Variants in PRKN observed in about 807,000 individuals in gnomAD.
PRKN encodes E3 ubiquitin-protein ligase parkin.
A neutral mutation model predicts 59.5 loss-of-function variants in PRKN; 56 were observed. The ratio of observed to expected loss-of-function variants is 0.94; its 90% CI spans 0.76 to 1.18. PRKN has a LOEUF of 1.18. Among genes scored for constraint, PRKN ranks in the 50% most tolerant of loss-of-function variants. PRKN has a pLI of 0.00. For synonymous variants in PRKN, 250 were observed against 222.1 expected, an observed-to-expected ratio of 1.13 and a Z score of -1.12; for missense variants, 657 against 596.4, an observed-to-expected ratio of 1.10 and a Z score of -1.06.
chr6:162,686,841 T>C (rs1777576913), intron 1 of PRKN, among the ~76,000 whole-genome samples: 1 of 152,200 alleles, frequency 6.6e-6, no homozygotes, highest in Non-Finnish European at 1.5e-5. Context: ...TATGGCTTTA[T>C]TTCTGGGTTC....
chr6:162,172,668 TAAC>T (rs1413594483), intron 4 of PRKN, among the ~76,000 whole-genome samples: 1 of 152,100 alleles, frequency 6.6e-6, no homozygotes, highest in African/African-American at 2.4e-5. Flanking sequence ...CTCCTCTAAT[TAAC>T]AATTTGAATT....
chr6:162,655,177 AGTT>A (rs1436268186), intron 1 of PRKN, among the ~76,000 whole-genome samples: 1 of 152,178 alleles, frequency 6.6e-6, no homozygotes, highest in African/African-American at 2.4e-5. Context: ...TCTACAATAT[AGTT>A]GTTATGCTTT....
At chr6:161,892,395 A>G (rs1583307274) in intron 6 of PRKN, among the ~76,000 whole-genome samples, 1 of 148,766 alleles carries the variant, frequency 6.7e-6, no homozygotes, top group African/African-American at 2.6e-5. Context: ...GCTAGACTCC[A>G]CCTCAACCAA....
rs941817688 is a variant in PRKN, at chr6:161,419,172, G to A, written c.1084-32295C>T. Among the ~76,000 whole-genome samples the A allele has an allele frequency of 2.3e-4, 35 of 152,152 alleles. No individual in the cohort carries two copies. The highest frequency in any genetic ancestry group is 8.0e-4 in the African/African-American group (33 of 41,438). On this transcript the variant is annotated intron_variant, in intron 9 of 11. Coordinates refer to ENST00000366898, the MANE Select transcript of PRKN (RefSeq NM_004562.3). The surrounding 1 kb of genome is among the most constrained non-coding windows in gnomAD (Gnocchi z 4.1). ...TGGTGAGAATCCTTTACGAGCTAAC[G>A]TGCTACACAGAGTTTGATGCTTCTT...
intron 4 of PRKN, among the ~76,000 whole-genome samples, chr6:162,103,600 C>A (rs1207359211): frequency 6.6e-6 from 1 of 151,288 alleles, no homozygotes; most frequent in Non-Finnish European, 1.5e-5. Context: ...TCTGGGAGAA[C>A]TCTTAGCTAC....
intron 9 of PRKN, among the ~76,000 whole-genome samples, chr6:161,394,588 T>A (rs1265182316): frequency 6.6e-6 from 1 of 152,188 alleles, no homozygotes; most frequent in Non-Finnish European, 1.5e-5. Flanking sequence ...TCTATCATCA[T>A]GCGCGTGCAC....
intron 2 of PRKN, among the ~76,000 whole-genome samples, chr6:162,426,389 C>A (rs1583554191): frequency 6.6e-6 from 1 of 152,194 alleles, no homozygotes; most frequent in East Asian, 1.9e-4. Context: ...AAAACTGGAT[C>A]TTGCGTGGAC....
At chr6:162,596,323 CT>C (rs1781493396) in intron 1 of PRKN, among the ~76,000 whole-genome samples, 1 of 152,134 alleles carries the variant, frequency 6.6e-6, no homozygotes, top group Non-Finnish European at 1.5e-5. Flanking sequence ...TGCTTCAATA[CT>C]TTAAAGGTAG....
intron 2 of PRKN, among the ~76,000 whole-genome samples, chr6:162,305,533 T>C (rs1487169485): frequency 6.6e-6 from 1 of 152,200 alleles, no homozygotes; most frequent in Non-Finnish European, 1.5e-5. Context: ...TATTTCCAAA[T>C]GCTTTTAGAC....
At chr6:161,685,375 T>C (rs1273589874) in intron 7 of PRKN, among the ~76,000 whole-genome samples, 1 of 152,216 alleles carries the variant, frequency 6.6e-6, no homozygotes, top group East Asian at 1.9e-4. Flanking sequence ...GCACTGCTCC[T>C]GCTGAACAAC....
chr6:162,558,153 A>T (rs958373701), intron 1 of PRKN, among the ~76,000 whole-genome samples: 1 of 152,134 alleles, frequency 6.6e-6, no homozygotes, highest in Non-Finnish European at 1.5e-5. Flanking sequence ...GATAAAAAAA[A>T]TCACTTTTCT....
chr6:162,115,158 T>C (rs1301594546), intron 4 of PRKN, among the ~76,000 whole-genome samples: 2 of 152,088 alleles, frequency 1.3e-5, no homozygotes, highest in East Asian at 1.9e-4. Context: ...TGGAATACTA[T>C]GCAGCCATAA....
At chr6:161,852,352 TGGAGGCG>T (rs895343147) in intron 6 of PRKN, among the ~76,000 whole-genome samples, 3 of 151,890 alleles carry the variant, frequency 2.0e-5, no homozygotes, top group Admixed American at 6.6e-5. Flanking sequence ...ACTCGGGAGT[TGGAGGCG>T]GGAGGATCAC....
intron 7 of PRKN, among the ~76,000 whole-genome samples, chr6:161,666,190 G>A (rs1205267680): frequency 6.6e-6 from 1 of 152,210 alleles, no homozygotes; most frequent in Non-Finnish European, 1.5e-5. Flanking sequence ...AACCTCCCGA[G>A]CCATGGACCA....
chr6:161,943,090 C>G (rs1399790000), intron 6 of PRKN, among the ~76,000 whole-genome samples: 2 of 152,180 alleles, frequency 1.3e-5, no homozygotes, highest in African/African-American at 4.8e-5. Context: ...CTTCTTAAGG[C>G]AGAAAGTGTC....
At chr6:161,944,043 G>A (rs376594728) in intron 6 of PRKN, among the ~76,000 whole-genome samples, 749 of 124,988 alleles carry the variant, frequency 6.0e-3, no homozygotes, top group African/African-American at 9.2e-3. Context: ...CAGCCTGAGG[G>A]ACCAGCCTGA....
intron 7 of PRKN, among the ~76,000 whole-genome samples, chr6:161,587,095 A>T (rs1346418916): frequency 6.6e-6 from 1 of 152,208 alleles, no homozygotes; most frequent in Non-Finnish European, 1.5e-5. Flanking sequence ...TTATAAAAAC[A>T]CTCTCAGATT....
intron 1 of PRKN, among the ~76,000 whole-genome samples, chr6:162,613,507 GTTGT>G (rs1378571055): frequency 6.6e-6 from 1 of 152,178 alleles, no homozygotes; most frequent in African/African-American, 2.4e-5. Context: ...CACAGGTGCA[GTTGT>G]TTAACGGTGA....
intron 7 of PRKN, among the ~76,000 whole-genome samples, chr6:161,622,186 C>G (rs1782929840): frequency 1.3e-5 from 2 of 152,288 alleles, no homozygotes; most frequent in South Asian, 4.1e-4. Context: ...TCACCAGCTG[C>G]TGCAGTAGTG....
Sources: gnomAD v4.1 joint callset for allele counts (sites outside exome capture counted in the v4.1 genomes callset) on GRCh38, gnomAD v4.1.1 for gene constraint, Gnocchi (gnomAD v3.1) non-coding constraint, MANE v1.5 for transcripts, NCBI Gene and HGNC (gene_info 2026-07-23, HGNC 2026-07-21) for gene names.